The following ENPP4 variants were observed in gnomAD, a reference collection of about 807,000 sequenced individuals.
ENPP4 encodes the protein ectonucleotide pyrophosphatase/phosphodiesterase 4, also known as bis(5'-adenosyl)-triphosphatase ENPP4.
In ENPP4, 18 loss-of-function variants were observed where a neutral mutation model predicts 33.4. The ratio of observed to expected loss-of-function variants is 0.54; its 90% confidence interval spans 0.37 to 0.80. The LOEUF (loss-of-function observed/expected upper bound fraction) is 0.80. Ranked by LOEUF, ENPP4 falls within the 30% of genes least tolerant of loss-of-function variation. ENPP4 has a pLI of 0.00. For synonymous variants in ENPP4, 172 were observed against 189.9 expected (o/e 0.91, Z 0.78); for missense variants, 480 against 541.7 (o/e 0.89, Z 1.13).
At chr6:46,137,492 A>C (rs1763993982) in intron 1 of ENPP4, among the ~76,000 whole-genome samples, 1 of 151,870 alleles carries the variant, frequency 6.6e-6, no homozygotes, top group Admixed American at 6.6e-5. Context: ...GATTGAACCC[A>C]GTTAAAACTC....
chr6:46,143,256 G>A lies in ENPP4; in HGVS notation c.998-20G>A. The A allele has an allele frequency of 1.3e-6, 2 of 1,542,116 alleles. No individual in the cohort carries two copies. The highest frequency in any genetic ancestry group is 1.8e-6 in the Non-Finnish European group (2 of 1,142,510). On this transcript the variant is annotated intron_variant, in intron 3 of 3. Coordinates refer to ENST00000321037, the MANE Select transcript of ENPP4 (RefSeq NM_014936.5). ...AAAAAGTCTGATCTTATTGACTGAT[G>A]TTGTTTTGTTCTTTTTCAGTAGGTG...
chr6:46,136,155 G>A (rs565411887), intron 1 of ENPP4, among the ~76,000 whole-genome samples: 2 of 152,080 alleles, frequency 1.3e-5, no homozygotes, highest in East Asian at 3.9e-4. Context: ...ATTTGGTGTT[G>A]TAGAACAAAA....
At position 46,130,429 on chromosome 6, in the gene ENPP4, G is replaced by C. The variant is rs1763876061; in HGVS notation, c.-34+240G>C. Among the ~76,000 whole-genome samples, 4 of 152,210 alleles carry C rather than the reference G, an allele frequency of 2.6e-5. No homozygotes were observed. The South Asian group carries it at 8.3e-4, about 31-fold the overall frequency. Reference sequence around the variant, plus strand: ...AGGAAAGAAAAATTAGCAGGTGCTGGGGAAGGCAACCTGTGGTGTTAAGTG... The same window carrying C: ...AGGAAAGAAAAATTAGCAGGTGCTGCGGAAGGCAACCTGTGGTGTTAAGTG... On this transcript the variant is annotated intron_variant, in intron 1 of 3. Coordinates refer to ENST00000321037, the MANE Select transcript of ENPP4 (RefSeq NM_014936.5).
chr6:46,143,238 C>G (rs947918240), intron 3 of ENPP4, 38 bp from the exon 4 acceptor site: 2 of 1,517,190 alleles, frequency 1.3e-6, no homozygotes, highest in African/African-American at 1.4e-5. Flanking sequence ...CCTAAAAAGT[C>G]TGATCTTATT....
chr6:46,135,386 T>G (rs777346836), intron 1 of ENPP4, among the ~76,000 whole-genome samples: 16 of 152,080 alleles, frequency 1.1e-4, no homozygotes, highest in Non-Finnish European at 2.1e-4. Flanking sequence ...TGGTACCTTA[T>G]TGTGGGTTTG....
intron 1 of ENPP4, among the ~76,000 whole-genome samples, chr6:46,134,082 T>G (rs1224549044): frequency 6.6e-6 from 1 of 152,182 alleles, no homozygotes; most frequent in East Asian, 1.9e-4. Context: ...TGAGACTAAA[T>G]TATTCCTAAT....
rs777732821 is a variant in ENPP4, at chr6:46,139,843, G to T, written c.260G>T (p.Gly87Val). 2 of 1,612,572 alleles carry T rather than the reference G, an allele frequency of 1.2e-6. No homozygotes were observed. The highest frequency in any genetic ancestry group is 1.1e-5 in the South Asian group (1 of 91,056). ...ACAGGCTTGTATGAAGAAAGCCATGGCATTGTGGCTAATTCCATGTATGAT... is the reference window on the plus strand; with the variant it reads ...ACAGGCTTGTATGAAGAAAGCCATGTCATTGTGGCTAATTCCATGTATGAT... ...IVTGLYEESH[G>V]IVANSMYDAV... Residue 87 changes from glycine (G) to valine (V), a missense_variant, in exon 2 of 4, where the codon GGC becomes GTC. Transcript: ENST00000321037.
intron 1 of ENPP4, among the ~76,000 whole-genome samples, chr6:46,130,460 G>A (rs1763876925): frequency 6.6e-6 from 1 of 152,206 alleles, no homozygotes; most frequent in Admixed American, 6.5e-5. Flanking sequence ...AAGTGTGAAG[G>A]GAGGGAAGTC....
At chr6:46,136,070 C>G (rs530952140) in intron 1 of ENPP4, among the ~76,000 whole-genome samples, 3 of 151,974 alleles carry the variant, frequency 2.0e-5, no homozygotes, top group Non-Finnish European at 2.9e-5. Context: ...CAAATATGTA[C>G]TCATAAATTT....
intron 3 of ENPP4, among the ~76,000 whole-genome samples, chr6:46,141,732 T>C (rs1306625699): frequency 6.6e-6 from 1 of 151,574 alleles, no homozygotes; most frequent in Non-Finnish European, 1.5e-5. Flanking sequence ...AAAAAATATA[T>C]AGGGGAGAAA....
At position 46,139,891 on chromosome 6, in the gene ENPP4, C is replaced by G. The variant is rs1409315988; in HGVS notation, c.308C>G (p.Ser103Cys). The change falls in exon 2 of 4, where the codon TCT becomes TGT. Residue 103 changes from serine to cysteine, a missense_variant. This residue lies in a region of ENPP4 where 227 missense variants were observed against 273.7 expected (regional missense o/e 0.83). Coordinates refer to ENST00000321037, the MANE Select transcript of ENPP4 (RefSeq NM_014936.5). ...GATGCAGTCACAAAGAAACACTTTT[C>G]TGACTCTAATGACAAGGATCCTTTT... ...MYDAVTKKHF[S>C]DSNDKDPFWW... 1.9e-6 allele frequency: 3 copies of G among 1,612,740 alleles called. No homozygotes were observed. The South Asian group carries it at 3.3e-5, about 18-fold the overall frequency.
At chr6:46,136,717 A>G (rs1226493625) in intron 1 of ENPP4, among the ~76,000 whole-genome samples, 3 of 152,020 alleles carry the variant, frequency 2.0e-5, no homozygotes, top group African/African-American at 7.2e-5. Flanking sequence ...GCCCAGAGAG[A>G]CTGAGTAGGC....
At chr6:46,133,714 A>G (rs556220600) in intron 1 of ENPP4, among the ~76,000 whole-genome samples, 2 of 152,192 alleles carry the variant, frequency 1.3e-5, no homozygotes, top group East Asian at 3.9e-4. Flanking sequence ...TCAATGTTTT[A>G]TACTGTAACA....
intron 1 of ENPP4, among the ~76,000 whole-genome samples, chr6:46,131,637 T>G (rs1369521288): frequency 2.0e-5 from 3 of 152,200 alleles, no homozygotes; most frequent in Non-Finnish European, 4.4e-5. Flanking sequence ...TGTGTCTTTA[T>G]AGCAGCATGA....
chr6:46,143,174 T>C (rs1764093172), intron 3 of ENPP4, 102 bp from the exon 4 acceptor site: 1 of 1,160,574 alleles, frequency 8.6e-7, no homozygotes, highest in Non-Finnish European at 1.2e-6. Context: ...TTTTTATTTC[T>C]AGTCCCTTTC....
At chr6:46,132,743 G>A (rs1763919551) in intron 1 of ENPP4, among the ~76,000 whole-genome samples, 2 of 152,140 alleles carry the variant, frequency 1.3e-5, no homozygotes, top group South Asian at 4.2e-4. Flanking sequence ...AATACCTTGG[G>A]CATTATGGCC....
chr6:46,134,698 A>G (rs1763954462), intron 1 of ENPP4, among the ~76,000 whole-genome samples: 1 of 152,100 alleles, frequency 6.6e-6, no homozygotes, highest in South Asian at 2.1e-4. Flanking sequence ...TTAAAAAATA[A>G]TATTTTATTG....
Position 46,140,341 on chromosome 6 carries a change from C to T in ENPP4, c.758C>T (p.Ser253Phe). 6.2e-7 allele frequency: 1 copy of T among 1,610,788 alleles called. No homozygotes were observed. Among genetic ancestry groups the T allele is most frequent in the Non-Finnish European group, 8.5e-7 (1 of 1,178,384 alleles). Reference protein sequence around the residue: ...CSQDRLINLDSCIDHSYYTLI... With the variant: ...CSQDRLINLDFCIDHSYYTLI... The stretch of plus-strand genomic sequence containing the variant: ...CAGGACAGACTGATAAACCTGGATT[C>T]CTGCATCGATCATTCATACTACACT... Residue 253 changes from serine to phenylalanine, a missense_variant, in exon 2 of 4, where the codon TCC becomes TTC. Physicochemically the swap from Ser to Phe is radical, Grantham distance 155. This residue lies in a region of ENPP4 where 249 missense variants were observed against 251.8 expected (regional missense o/e 0.99). Transcript: ENST00000321037.
chr6:46,137,824 A>C (rs971763566), intron 1 of ENPP4, among the ~76,000 whole-genome samples: 2 of 151,874 alleles, frequency 1.3e-5, no homozygotes, highest in African/African-American at 2.4e-5. Flanking sequence ...GATCCTCATA[A>C]ATCAGATTCT....
Sources: gnomAD v4.1 joint callset for allele counts (sites outside exome capture counted in the v4.1 genomes callset) on GRCh38, gnomAD v4.1.1 for gene constraint, gnomAD v4.1.1 regional missense constraint, MANE v1.5 for transcripts, NCBI Gene and HGNC (gene_info 2026-07-23, HGNC 2026-07-21) for gene names.